LRRC3B: variants seen among roughly 807,000 people sequenced by gnomAD.
LRRC3B encodes leucine-rich repeat-containing protein 3B.
LRRC3B carries 2 observed loss-of-function variants against 12.8 expected under a neutral mutation model. The observed-to-expected ratio is 0.16, with a 90% CI of 0.06 to 0.49. The LOEUF is 0.49. Ranked by LOEUF, LRRC3B falls within the 20% of genes least tolerant of loss-of-function variation. The pLI is 0.96. For synonymous variants in LRRC3B, 132 were observed against 122.0 expected (o/e 1.08, Z -0.54); for missense variants, 189 against 319.4 (o/e 0.59, Z 3.11).
chr3:26,708,351 A>T (rs891163974), intron 1 of LRRC3B, among the ~76,000 whole-genome samples: 1 of 152,256 alleles, frequency 6.6e-6, no homozygotes, highest in East Asian at 1.9e-4. Flanking sequence ...ACATAACAGC[A>T]TCAGAAATCA....
At chr3:26,676,078 CTTTT>C (rs997808469) in intron 1 of LRRC3B, among the ~76,000 whole-genome samples, 1 of 148,022 alleles carries the variant, frequency 6.8e-6, no homozygotes, top group Admixed American at 6.8e-5. Flanking sequence ...CCTGTTTTTT[CTTTT>C]TTTTTAATTA....
At chr3:26,682,971 A>G (rs945506453) in intron 1 of LRRC3B, among the ~76,000 whole-genome samples, 7 of 152,212 alleles carry the variant, frequency 4.6e-5, no homozygotes, top group African/African-American at 1.7e-4. Flanking sequence ...TGTAAGAATG[A>G]CACACAAAAA....
chr3:26,706,055 C>G (rs1464783475), intron 1 of LRRC3B, among the ~76,000 whole-genome samples: 1 of 152,180 alleles, frequency 6.6e-6, no homozygotes, highest in African/African-American at 2.4e-5. Context: ...AGCTCAACAT[C>G]AAGGTGCCAG....
chr3:26,638,867 A>G (rs1475968413), intron 1 of LRRC3B, among the ~76,000 whole-genome samples: 1 of 152,228 alleles, frequency 6.6e-6, no homozygotes, highest in African/African-American at 2.4e-5. Context: ...GAAGGTAATC[A>G]AGGTGTGTGA....
At chr3:26,656,118 G>T (rs1352994987) in intron 1 of LRRC3B, among the ~76,000 whole-genome samples, 1 of 152,108 alleles carries the variant, frequency 6.6e-6, no homozygotes, top group Non-Finnish European at 1.5e-5. Flanking sequence ...TGCAAGGATG[G>T]ATTTGATAGT....
chr3:26,684,137 AC>A (rs1216642896), intron 1 of LRRC3B, among the ~76,000 whole-genome samples: 2 of 152,182 alleles, frequency 1.3e-5, no homozygotes, highest in Non-Finnish European at 2.9e-5. Flanking sequence ...TTTATTCTCC[AC>A]GTTTTTTAAA....
At chr3:26,702,485 T>A (rs2887860) in intron 1 of LRRC3B, among the ~76,000 whole-genome samples, 44,117 of 151,928 alleles carry the variant, frequency 0.29, 6,926 homozygotes, top group Middle Eastern at 0.4. Context: ...TGGATTGGTT[T>A]CTGATAAATC....
chr3:26,651,493 ACTCT>A (rs1406778583), intron 1 of LRRC3B, among the ~76,000 whole-genome samples: 13 of 152,048 alleles, frequency 8.5e-5, no homozygotes, highest in African/African-American at 2.9e-4. Flanking sequence ...CTCCTCTGTT[ACTCT>A]CTAAGTTTCA....
chr3:26,630,183 C>G (rs1698725782), intron 1 of LRRC3B, among the ~76,000 whole-genome samples: 1 of 152,080 alleles, frequency 6.6e-6, no homozygotes, highest in African/African-American at 2.4e-5. Flanking sequence ...AATAATACCT[C>G]ATAGCATAGA....
chr3:26,647,319 CCTCT>C (rs1398143345), intron 1 of LRRC3B, among the ~76,000 whole-genome samples: 1 of 151,982 alleles, frequency 6.6e-6, no homozygotes, highest in African/African-American at 2.4e-5. Flanking sequence ...ATATTGTCAG[CCTCT>C]CTCTCTCAAC....
chr3:26,643,266 G>A (rs1699072210), intron 1 of LRRC3B, among the ~76,000 whole-genome samples: 1 of 136,772 alleles, frequency 7.3e-6, no homozygotes, highest in African/African-American at 2.6e-5. Flanking sequence ...GTGTGTGTGT[G>A]TGTGTGTGTG....
At chr3:26,663,337 A>C (rs1313636912) in intron 1 of LRRC3B, among the ~76,000 whole-genome samples, 1 of 152,122 alleles carries the variant, frequency 6.6e-6, no homozygotes, top group East Asian at 1.9e-4. Flanking sequence ...CCCAATACAC[A>C]CATGCATCTT....
Position 26,626,077 on chromosome 3 carries a change from C to T in LRRC3B, c.-161+2840C>T, listed in dbSNP as rs369259215. Among the ~76,000 whole-genome samples, 21 of 152,278 alleles carry T rather than the reference C, an allele frequency of 1.4e-4. No homozygotes were observed. The East Asian group carries it at 3.5e-3, about 25-fold the overall frequency. ...CCTCACCCTTTACTCCAAACTGCAG[C>T]GGCGTACTATAAGTGCCAGTCCTGG... On this transcript the variant is annotated intron_variant, in intron 1 of 1. Transcript: ENST00000396641.
intron 1 of LRRC3B, among the ~76,000 whole-genome samples, chr3:26,636,071 C>T (rs1293070694): frequency 6.6e-6 from 1 of 152,182 alleles, no homozygotes; most frequent in Non-Finnish European, 1.5e-5. Context: ...TAAATACAGT[C>T]AGCATGCTTT....
intron 1 of LRRC3B, among the ~76,000 whole-genome samples, chr3:26,671,002 C>T (rs1347621407): frequency 4.2e-5 from 6 of 144,260 alleles, no homozygotes; most frequent in Non-Finnish European, 7.5e-5. Flanking sequence ...AGTCTACCTT[C>T]TCATGTATCT....
At chr3:26,632,889 A>G (rs371973246) in intron 1 of LRRC3B, among the ~76,000 whole-genome samples, 10 of 151,940 alleles carry the variant, frequency 6.6e-5, no homozygotes, top group African/African-American at 2.4e-4. Flanking sequence ...GCCTGTGCTG[A>G]CGATTGTCCA....
At chr3:26,633,455 A>G (rs1698802687) in intron 1 of LRRC3B, among the ~76,000 whole-genome samples, 1 of 152,234 alleles carries the variant, frequency 6.6e-6, no homozygotes, top group Non-Finnish European at 1.5e-5. Context: ...AGTATAGAAC[A>G]AAATATTATT....
intron 1 of LRRC3B, chr3:26,624,291 A>T (rs1217413065): frequency 6.6e-6 from 1 of 152,298 alleles, no homozygotes; most frequent in Non-Finnish European, 1.5e-5. Context: ...CCAAGCTCTA[A>T]GAGGACCATA....
At chr3:26,634,009 A>T (rs1315028239) in intron 1 of LRRC3B, among the ~76,000 whole-genome samples, 1 of 151,844 alleles carries the variant, frequency 6.6e-6, no homozygotes, top group Admixed American at 6.6e-5. Context: ...AATAAAACAA[A>T]ACAAAATAAA....
Sources: allele counts gnomAD v4.1 joint callset (sites outside exome capture counted in the v4.1 genomes callset), GRCh38; gene constraint gnomAD v4.1.1; transcripts MANE v1.5; gene names NCBI Gene and HGNC (gene_info 2026-07-23, HGNC 2026-07-21).